Variants in RPAP1 observed in about 807,000 individuals in gnomAD.
RPAP1 encodes the protein RNA polymerase II associated protein 1.
A neutral mutation model predicts 142.4 loss-of-function variants in RPAP1; 109 were observed. That is an observed-to-expected ratio of 0.77 (90% CI 0.66 to 0.90). RPAP1 has a LOEUF of 0.90. Among genes scored for constraint, RPAP1 ranks in the 40% least tolerant of loss-of-function variants. The pLI is 0.00. For missense variants in RPAP1, 1,546 were observed against 1,751.7 expected (o/e 0.88, Z 2.10); for synonymous variants, 704 against 738.9 (o/e 0.95, Z 0.77).
chr15:41,529,850 G>A lies in RPAP1; in HGVS notation c.1059+14C>T, dbSNP rs1287844139. 2 of 1,583,454 alleles carry A rather than the reference G, an allele frequency of 1.3e-6. No individual in the cohort carries two copies. Among genetic ancestry groups the A allele is most frequent in the Non-Finnish European group, 1.7e-6 (2 of 1,162,116 alleles). The stretch of plus-strand genomic sequence containing the variant: ...ATCTCACCCACCCCTTGTAGGCCAG[G>A]TGGCCCTCCTCACCTCCTGTGTCTG... On this transcript the variant is annotated intron_variant, in intron 8 of 24. Transcript: ENST00000304330.
Position 41,527,024 on chromosome 15 carries a change from G to A in RPAP1, c.1791C>T (p.Phe597=). The A allele has an allele frequency of 6.2e-7, 1 of 1,614,236 alleles. No homozygotes were observed. Among genetic ancestry groups the A allele is most frequent in the South Asian group, 1.1e-5 (1 of 91,080 alleles). Residue 597 remains phenylalanine, a synonymous_variant, in exon 14 of 25, where the codon TTC becomes TTT. Transcript: ENST00000304330. ...CCACAGGAGACCAACTGGTGGGCAA[G>A]AACTCTCGAACTATAGTCTCTATCA... ...PRLIETIVRE[F]LPTSWSPVGA... is the part of the protein sequence containing the mutation.
chr15:41,525,977 T>C (rs1000665908), intron 14 of RPAP1, among the ~76,000 whole-genome samples: 1 of 151,910 alleles, frequency 6.6e-6, no homozygotes, highest in Non-Finnish European at 1.5e-5. Flanking sequence ...TTAGATGGAA[T>C]CTTGCTCTGC....
Position 41,521,061 on chromosome 15 carries a change from C to A in RPAP1, c.3125G>T (p.Gly1042Val). The change falls in exon 22 of 25, where the codon GGG (glycine) becomes GTG (valine). Residue 1042 changes from glycine (G) to valine (V), a missense_variant. Coordinates refer to ENST00000304330, the MANE Select transcript of RPAP1 (RefSeq NM_015540.4). ...CTGGCAGGCCTGAGCCAGCAGAGTC[C>A]CTTGCCCACACCGAGGGACCCTGCT... Reference protein sequence around the residue: ...GSSRVPRCGQGTLLAQACQDL... With the variant: ...GSSRVPRCGQVTLLAQACQDL... 6.4e-7 allele frequency: 1 copy of A among 1,565,666 alleles called. No individual in the cohort carries two copies.
chr15:41,532,524 G>A (rs918104555), intron 6 of RPAP1, among the ~76,000 whole-genome samples: 1 of 152,140 alleles, frequency 6.6e-6, no homozygotes, highest in African/African-American at 2.4e-5. Context: ...TTGACTGAGT[G>A]CCTGGCATTT....
rs1250072438 is a variant in RPAP1, at chr15:41,534,698, A to G, written c.763+16T>C. 1.9e-6 allele frequency: 3 copies of G among 1,605,882 alleles called. No homozygotes were observed. Among genetic ancestry groups the G allele is most frequent in the Non-Finnish European group, 2.6e-6 (3 of 1,173,704 alleles). ...TCTCCTAGCCTGGTCTCAGCAGGAA[A>G]GCCAGGCACCCATACCAAGCTGGGC... On this transcript the variant is annotated intron_variant, in intron 6 of 24. Coordinates refer to ENST00000304330, the MANE Select transcript of RPAP1 (RefSeq NM_015540.4).
intron 4 of RPAP1, 87 bp from the exon 5 acceptor site, chr15:41,535,719 A>T: frequency 1.3e-6 from 2 of 1,527,298 alleles, no homozygotes; most frequent in Non-Finnish European, 1.8e-6. Context: ...TCTGGAACAA[A>T]GAGATAAAAG....
intron 7 of RPAP1, among the ~76,000 whole-genome samples, chr15:41,530,622 T>C (rs2051837778): frequency 6.6e-6 from 1 of 152,248 alleles, no homozygotes. Context: ...CTTTGTCAGA[T>C]TCTGCCTCTC....
intron 6 of RPAP1, among the ~76,000 whole-genome samples, chr15:41,532,655 A>C (rs773962807): frequency 2.6e-5 from 4 of 152,096 alleles, no homozygotes; most frequent in Admixed American, 6.6e-5. Context: ...AGGGTAGTAC[A>C]GTTATACATA....
intron 15 of RPAP1, among the ~76,000 whole-genome samples, chr15:41,524,677 T>C (rs1595482508): frequency 6.6e-6 from 1 of 152,212 alleles, no homozygotes; most frequent in Admixed American, 6.5e-5. Flanking sequence ...GGTTTCACCA[T>C]ATTGGCCAGG....
intron 17 of RPAP1, 40 bp downstream of exon 17, chr15:41,523,731 G>T: frequency 6.5e-7 from 1 of 1,531,842 alleles, no homozygotes; most frequent in South Asian, 1.2e-5. Flanking sequence ...CTGAAGGCAG[G>T]GTGCGGGGGC....
In RPAP1 at chr15:41,520,570, A is replaced by C. The variant is rs1322957484; in HGVS notation, c.3616T>G (p.Ser1206Ala). 1 of 1,614,224 alleles carries C rather than the reference A, an allele frequency of 6.2e-7. No individual in the cohort carries two copies. The highest frequency in any genetic ancestry group is 2.2e-5 in the East Asian group (1 of 44,886). ...AAGTTGGCATAGAGGTCAGGGAAAG[A>C]CGTCAGGCCAGGGAGTCGGCAGTCC... ...NLDCRLPGLTSFPDLYANFLD... is the reference protein window; with the variant it reads ...NLDCRLPGLTAFPDLYANFLD... The change falls in exon 22 of 25, where the codon TCT becomes GCT. Residue 1206 changes from serine to alanine, a missense_variant. By Grantham distance (99) the Ser-to-Ala change is moderately conservative (BLOSUM62 1). Coordinates refer to ENST00000304330, the MANE Select transcript of RPAP1 (RefSeq NM_015540.4).
At position 41,536,180 on chromosome 15, in the gene RPAP1, C is replaced by G. The variant is rs776940909; in HGVS notation, c.369G>C (p.Val123=). The change falls in exon 4 of 25, where the codon GTG becomes GTC. Residue 123 remains valine (V), a synonymous_variant. Coordinates refer to ENST00000304330, the MANE Select transcript of RPAP1 (RefSeq NM_015540.4). ...DTSSVAVNLP[V]PSGVAFPAVF... Reference sequence around the variant, plus strand: ...CAGCAGGGAAAGCAACACCACTGGGCACAGGCAGATTCACGGCCACTGAAC... The same window carrying G: ...CAGCAGGGAAAGCAACACCACTGGGGACAGGCAGATTCACGGCCACTGAAC... The G allele has an allele frequency of 6.2e-7, 1 of 1,614,160 alleles. No homozygotes were observed. The highest frequency in any genetic ancestry group is 1.1e-5 in the South Asian group (1 of 91,088).
In RPAP1 at chr15:41,534,718, C is replaced by G; in HGVS notation, c.759G>C (p.Gln253His). 3.1e-6 allele frequency: 5 copies of G among 1,612,762 alleles called. No homozygotes were observed. The highest frequency in any genetic ancestry group is 4.2e-6 in the Non-Finnish European group (5 of 1,179,334). Residue 253 changes from glutamine to histidine, a missense_variant, in exon 6 of 25, where the codon CAG becomes CAC. This residue lies in a region of RPAP1 where 1,333 missense variants were observed against 1,486.6 expected (regional missense o/e 0.90). Coordinates refer to ENST00000304330, the MANE Select transcript of RPAP1 (RefSeq NM_015540.4). ...ILQEQQRLLA[Q>H]LDPSLVAFLR... ...AGGAAAGCCAGGCACCCATACCAAGCTGGGCCAGCAACCGCTGCTGTTCCT... is the reference window on the plus strand; with the variant it reads ...AGGAAAGCCAGGCACCCATACCAAGGTGGGCCAGCAACCGCTGCTGTTCCT...
At chr15:41,532,915 G>A (rs1158722169) in intron 6 of RPAP1, among the ~76,000 whole-genome samples, 1 of 142,444 alleles carries the variant, frequency 7.0e-6, no homozygotes, top group Non-Finnish European at 1.5e-5. Flanking sequence ...GGAGGTACAG[G>A]TTGCAGTGAG....
At chr15:41,535,407 T>G (rs1787815976) in intron 5 of RPAP1, 105 bp downstream of exon 5, 1 of 1,455,490 alleles carries the variant, frequency 6.9e-7, no homozygotes, top group African/African-American at 1.4e-5. Flanking sequence ...TTGAGATGGC[T>G]CAAATGCACC....
At chr15:41,524,763 A>G (rs114771214) in intron 15 of RPAP1, among the ~76,000 whole-genome samples, 2,151 of 152,212 alleles carry the variant, frequency 0.014, 52 homozygotes, top group African/African-American at 0.049. Flanking sequence ...CATGAGCCAC[A>G]GTGCCCGGCT....
At position 41,523,341 on chromosome 15, in the gene RPAP1, G is replaced by C. The variant is rs138609224; in HGVS notation, c.2450C>G (p.Pro817Arg). Residue 817 changes from proline (P) to arginine (R), a missense_variant, in exon 18 of 25, where the codon CCG becomes CGG. Pro to Arg is a moderately radical substitution (Grantham distance 103, BLOSUM62 -2). Coordinates refer to ENST00000304330, the MANE Select transcript of RPAP1 (RefSeq NM_015540.4). ...CTGCATGTCCTGGAGCCAATCCTCC[G>C]GGCATGAGCTTGGCTGGTGGACCAA... The part of the protein sequence containing the change: ...QAWSQQPSSC[P>R]EDWLQDMQRL... 2 of 1,603,702 alleles carry C rather than the reference G, an allele frequency of 1.2e-6. No homozygotes were observed. Among genetic ancestry groups the C allele is most frequent in the Non-Finnish European group, 8.5e-7 (1 of 1,174,680 alleles).
At chr15:41,535,233 G>A (rs1268430513) in intron 5 of RPAP1, among the ~76,000 whole-genome samples, 2 of 152,184 alleles carry the variant, frequency 1.3e-5, no homozygotes, top group Non-Finnish European at 2.9e-5. Context: ...CTAATAATTT[G>A]CATCATTAAA....
Position 41,523,962 on chromosome 15 carries a change from C to T in RPAP1, c.2245G>A (p.Glu749Lys). 1.2e-6 allele frequency: 2 copies of T among 1,613,098 alleles called. No homozygotes were observed. The highest frequency in any genetic ancestry group is 8.5e-7 in the Non-Finnish European group (1 of 1,179,580). ...TPAETISDSA[E>K]ASLSATPSLV... is the part of the protein sequence containing the mutation. ...GAAGGGGTGGCCGAGAGGCTGGCCTCAGCAGAATCACTACAAAAGTGCCAA... is the reference window on the plus strand; with the variant it reads ...GAAGGGGTGGCCGAGAGGCTGGCCTTAGCAGAATCACTACAAAAGTGCCAA... Residue 749 changes from glutamate to lysine, a missense_variant, in exon 17 of 25, where the codon GAG becomes AAG. Glu to Lys is a moderately conservative substitution (Grantham distance 56, BLOSUM62 1). Transcript: ENST00000304330.
Sources: allele counts gnomAD v4.1 joint callset (sites outside exome capture counted in the v4.1 genomes callset), GRCh38; gene constraint gnomAD v4.1.1; regional missense constraint gnomAD v4.1.1; transcripts MANE v1.5; gene names NCBI Gene and HGNC (gene_info 2026-07-23, HGNC 2026-07-21).